Variants in HYDIN observed in about 807,000 individuals in gnomAD.
HYDIN encodes HYDIN axonemal central pair apparatus protein, also known as axonemal central pair apparatus protein HYDIN.
HYDIN carries 132 observed loss-of-function variants against 403.9 expected under a neutral mutation model. The ratio of observed to expected loss-of-function variants is 0.33; its 90% CI spans 0.28 to 0.38. The LOEUF (loss-of-function observed/expected upper bound fraction) is 0.38, where lower values mean the gene tolerates loss of function less well. Ranked by LOEUF, HYDIN falls within the 10% of genes least tolerant of loss-of-function variation. The pLI is 1.00. For synonymous variants in HYDIN, 1,202 were observed against 1,891.7 expected, an observed-to-expected ratio of 0.64 and a Z score of 9.46; for missense variants, 2,827 against 5,009.5, an observed-to-expected ratio of 0.56 and a Z score of 13.15.
At chr16:71,220,211 T>C (rs919922965) in intron 1 of HYDIN, among the ~76,000 whole-genome samples, 3 of 152,232 alleles carry the variant, frequency 2.0e-5, no homozygotes, top group African/African-American at 7.2e-5. Flanking sequence ...TCAAACCTGA[T>C]GAGCGTTTTC....
intron 60 of HYDIN, among the ~76,000 whole-genome samples, chr16:70,881,109 C>T (rs1295806014): frequency 7.2e-6 from 1 of 139,464 alleles, no homozygotes; most frequent in Non-Finnish European, 1.5e-5. Flanking sequence ...GCCTGTAGTC[C>T]CAGCTACTCA....
chr16:71,162,447 C>A (rs1032310203), intron 6 of HYDIN, 84 bp downstream of exon 6: 3 of 624,566 alleles, frequency 4.8e-6, no homozygotes, highest in African/African-American at 1.9e-5. Context: ...GCAATTCCAC[C>A]CCCCAATGTT....
chr16:71,106,705 T>C (rs948509678), intron 10 of HYDIN, among the ~76,000 whole-genome samples: 1 of 151,692 alleles, frequency 6.6e-6, no homozygotes, highest in Non-Finnish European at 1.5e-5. Flanking sequence ...TGTACAACAA[T>C]GAAAATGAAA....
At chr16:71,189,382 TA>T (rs1481158291) in intron 1 of HYDIN, among the ~76,000 whole-genome samples, 3 of 152,054 alleles carry the variant, frequency 2.0e-5, no homozygotes, top group African/African-American at 7.2e-5. Context: ...TTCTTAAAAA[TA>T]AAAAAGAAAC....
At chr16:71,080,901 G>T (rs1158416727) in intron 12 of HYDIN, 1 of 151,630 alleles carries the variant, frequency 6.6e-6, no homozygotes, top group Non-Finnish European at 1.5e-5. Flanking sequence ...AACTCAACCT[G>T]GCTTTGAACA....
chr16:70,978,779 GCTTCTGCACACAGTGCC>G (rs1168344981), intron 30 of HYDIN, 118 bp downstream of exon 30: 2 of 792,838 alleles, frequency 2.5e-6, no homozygotes, highest in South Asian at 2.0e-5. Context: ...TTGCCCCTGG[GCTTCTGCACACAGTGCC>G]CTTCTGCACA....
intron 8 of HYDIN, among the ~76,000 whole-genome samples, chr16:71,133,926 AG>A (rs1346852962): frequency 1.3e-5 from 2 of 152,214 alleles, no homozygotes; most frequent in Admixed American, 6.5e-5. Flanking sequence ...AAAAATTTAA[AG>A]TACAGAACTT....
chr16:70,884,873 T>C (rs2041037341), intron 58 of HYDIN, among the ~76,000 whole-genome samples: 1 of 152,268 alleles, frequency 6.6e-6, no homozygotes, highest in African/African-American at 2.4e-5. Context: ...TCTGTTCTCA[T>C]CTTTCCTAGA....
At position 71,107,072 on chromosome 16, in the gene HYDIN, G is replaced by A. The variant is rs1248035212; in HGVS notation, c.1327+8624C>T. Among the ~76,000 whole-genome samples the A allele has an allele frequency of 4.8e-5, 7 of 146,284 alleles. No homozygotes were observed. In the South Asian group the frequency reaches 9.0e-4, roughly 19 times the overall value. ...TCACAAGGACAAAAAACCAAACACC[G>A]CATGTTCTCACTCATAGGTGGGAAT... On this transcript the variant is annotated intron_variant, in intron 10 of 85. Coordinates refer to ENST00000393567, the MANE Select transcript of HYDIN (RefSeq NM_001270974.2).
intron 1 of HYDIN, among the ~76,000 whole-genome samples, chr16:71,217,770 A>G (rs2088967878): frequency 6.6e-6 from 1 of 152,130 alleles, no homozygotes; most frequent in Non-Finnish European, 1.5e-5. Context: ...AACAAAACAC[A>G]TTTCCAAGGT....
chr16:70,859,497 C>A (rs1156622214), intron 71 of HYDIN, among the ~76,000 whole-genome samples: 1 of 152,084 alleles, frequency 6.6e-6, no homozygotes, highest in Non-Finnish European at 1.5e-5. Flanking sequence ...CCTGAGGGCA[C>A]AGGAATTCTT....
chr16:71,194,138 T>C (rs1398299178), intron 1 of HYDIN, among the ~76,000 whole-genome samples: 1 of 152,122 alleles, frequency 6.6e-6, no homozygotes, highest in Non-Finnish European at 1.5e-5. Context: ...TTGGGCCGGG[T>C]GCAGTGGCTC....
intron 75 of HYDIN, among the ~76,000 whole-genome samples, chr16:70,841,476 C>A (rs980787573): frequency 9.5e-4 from 145 of 152,024 alleles, no homozygotes; most frequent in African/African-American, 3.4e-3. Context: ...TGGAGCTTCC[C>A]GAACTCTCAA....
At chr16:70,884,600 C>T (rs71250727) in intron 58 of HYDIN, among the ~76,000 whole-genome samples, 10,484 of 151,164 alleles carry the variant, frequency 0.069, 250 homozygotes, top group Middle Eastern at 0.14. Context: ...GCTAAAGCCC[C>T]GACCCCAGAG....
intron 1 of HYDIN, among the ~76,000 whole-genome samples, chr16:71,206,051 C>T (rs1054480978): frequency 6.6e-6 from 1 of 152,144 alleles, no homozygotes; most frequent in African/African-American, 2.4e-5. Flanking sequence ...TGGAAACACC[C>T]AGACAGTAGG....
intron 40 of HYDIN, among the ~76,000 whole-genome samples, chr16:70,954,467 A>AAG (rs111741185): frequency 1.3e-5 from 2 of 151,128 alleles, no homozygotes; most frequent in African/African-American, 2.4e-5. Flanking sequence ...AAAAAAAAAA[A>AAG]AAAAGAAAGA....
At chr16:71,111,371 T>A (rs916470452) in intron 10 of HYDIN, among the ~76,000 whole-genome samples, 5 of 152,218 alleles carry the variant, frequency 3.3e-5, no homozygotes, top group African/African-American at 9.7e-5. Context: ...GAGTAACACC[T>A]GCTTGTACCT....
At chr16:71,134,072 G>C (rs1006621883) in intron 8 of HYDIN, among the ~76,000 whole-genome samples, 2 of 151,922 alleles carry the variant, frequency 1.3e-5, no homozygotes, top group Admixed American at 6.6e-5. Context: ...ACAGTAAACT[G>C]CTGGAAACGA....
rs931833953 is a variant in HYDIN, at chr16:70,832,739, A to G, written c.13899+109T>C. ...CCAGCAGTGGAAACGGTGTATTCAC[A>G]GGCCTCGTGGAGGGAGGGGGCAGGC... On this transcript the variant is annotated intron_variant, in intron 80 of 85. Coordinates refer to ENST00000393567, the MANE Select transcript of HYDIN (RefSeq NM_001270974.2). The G allele has an allele frequency of 1.6e-4, 116 of 745,148 alleles. 1 individual carries two copies. Among genetic ancestry groups the G allele is most frequent in the Non-Finnish European group, 2.4e-4 (107 of 441,712 alleles). 46.2% of individuals were successfully genotyped at this position (745,148 alleles called of 1,614,324 possible). A position where few individuals can be genotyped will look rare whatever the true frequency, so the allele number is the denominator to read the frequency against.
Sources: gnomAD v4.1 joint callset for allele counts (sites outside exome capture counted in the v4.1 genomes callset) on GRCh38, gnomAD v4.1.1 for gene constraint, MANE v1.5 for transcripts, NCBI Gene and HGNC (gene_info 2026-07-23, HGNC 2026-07-21) for gene names.